GADL1: variants seen among roughly 807,000 people sequenced by gnomAD.
GADL1 encodes the protein GAD like acidic amino acid decarboxylase 1, also known as acidic amino acid decarboxylase GADL1.
In GADL1, 71 loss-of-function variants were observed where a neutral mutation model predicts 69.5. That is an observed-to-expected ratio of 1.02 (90% CI 0.84 to 1.25). The LOEUF is 1.25. Among genes scored for constraint, GADL1 ranks in the 50% most tolerant of loss-of-function variants. GADL1 has a pLI of 0.00. For synonymous variants in GADL1, 254 were observed against 214.4 expected (o/e 1.18, Z -1.62); for missense variants, 737 against 631.8 (o/e 1.17, Z -1.79).
At chr3:30,749,499 T>A (rs1464747877) in intron 14 of GADL1, among the ~76,000 whole-genome samples, 1 of 152,212 alleles carries the variant, frequency 6.6e-6, no homozygotes, top group Non-Finnish European at 1.5e-5. Flanking sequence ...CTCATGCCTA[T>A]TTTTAGCAAC....
Position 30,728,249 on chromosome 3 carries a change from T to A in GADL1, c.1559A>T (p.Asp520Val). 1.2e-6 allele frequency: 2 copies of A among 1,613,572 alleles called. No homozygotes were observed. Among genetic ancestry groups the A allele is most frequent in the Non-Finnish European group, 1.7e-6 (2 of 1,179,598 alleles). Residue 520 changes from aspartate to valine, a missense_variant, in exon 15 of 15, where the codon GAC becomes GTC. Physicochemically the swap from Asp to Val is radical, Grantham distance 152 (BLOSUM62 -3). Coordinates refer to ENST00000282538, the MANE Select transcript of GADL1 (RefSeq NM_207359.3). ...GGGGGACCAAAGCCACAGCTACATG[T>A]CTTTACCCAGTAAGTCTATCTCATC... The part of the protein sequence containing the change: ...LLDEIDLLGK[D>V]M
chr3:30,850,798 T>C, intron 5 of GADL1, 37 bp downstream of exon 5: 2 of 1,198,284 alleles, frequency 1.7e-6, no homozygotes, highest in Non-Finnish European at 2.4e-6. Context: ...TACGTGGTTG[T>C]ATTGGAAGGT....
At chr3:30,768,583 G>A (rs1696343158) in intron 14 of GADL1, among the ~76,000 whole-genome samples, 1 of 151,280 alleles carries the variant, frequency 6.6e-6, no homozygotes, top group Non-Finnish European at 1.5e-5. Flanking sequence ...GGGGAGGAGA[G>A]GCGGAGAAGG....
intron 14 of GADL1, among the ~76,000 whole-genome samples, chr3:30,737,508 T>C (rs769869432): frequency 3.9e-5 from 6 of 152,202 alleles, no homozygotes; most frequent in Non-Finnish European, 8.8e-5. Context: ...TCTCTTCTAA[T>C]ATATTTTCTG....
chr3:30,813,468 TCAC>T (rs779033071), intron 11 of GADL1, among the ~76,000 whole-genome samples: 19 of 152,196 alleles, frequency 1.2e-4, no homozygotes, highest in Non-Finnish European at 2.2e-4. Context: ...GAGCAAATCT[TCAC>T]CAAGAGCACA....
intron 8 of GADL1, among the ~76,000 whole-genome samples, chr3:30,842,821 T>TAAAAAAAAAAAAAAAAAAAAAAAAAA (rs1559358436): frequency 1.5e-5 from 1 of 66,468 alleles, no homozygotes. Context: ...ATTGGAATGT[T>TAAAAAAAAAAAAAAAAAAAAAAAAAA]TAAAAAAAAA....
intron 1 of GADL1, among the ~76,000 whole-genome samples, chr3:30,866,264 C>G (rs925130954): frequency 1.3e-5 from 2 of 151,952 alleles, no homozygotes; most frequent in African/African-American, 4.8e-5. Flanking sequence ...TTGAGACCAG[C>G]CTGGCAAACA....
chr3:30,785,149 C>G (rs1696761015), intron 13 of GADL1, among the ~76,000 whole-genome samples: 1 of 152,002 alleles, frequency 6.6e-6, no homozygotes, highest in Non-Finnish European at 1.5e-5. Context: ...TATAACCTGT[C>G]TAATTATTTG....
At chr3:30,766,307 C>G (rs1483620866) in intron 14 of GADL1, among the ~76,000 whole-genome samples, 1 of 152,174 alleles carries the variant, frequency 6.6e-6, no homozygotes, top group Non-Finnish European at 1.5e-5. Flanking sequence ...CCCTGAGCAT[C>G]AGGGATGTCT....
intron 14 of GADL1, among the ~76,000 whole-genome samples, chr3:30,759,111 T>C (rs1696055378): frequency 6.6e-6 from 1 of 152,104 alleles, no homozygotes; most frequent in Non-Finnish European, 1.5e-5. Flanking sequence ...GCTGGTTGGA[T>C]TTAGTGCTGG....
chr3:30,851,042 T>C, intron 4 of GADL1, 101 bp from the exon 5 acceptor site: 1 of 658,804 alleles, frequency 1.5e-6, no homozygotes, highest in African/African-American at 1.8e-5. Context: ...AAGTGGCTGC[T>C]GAAGTGTAGG....
chr3:30,868,032 A>T (rs1698428902), intron 1 of GADL1, among the ~76,000 whole-genome samples: 2 of 152,148 alleles, frequency 1.3e-5, no homozygotes, highest in Admixed American at 1.3e-4. Flanking sequence ...CTGAAGTAAC[A>T]ACTTCATTGA....
rs116770007 is a variant in GADL1 at position 30,836,716 on chromosome 3, G to A, written c.903+2281C>T. Among the ~76,000 whole-genome samples, 1,401 of 151,560 alleles carry A rather than the reference G, an allele frequency of 9.2e-3. 24 individuals are homozygous for A. The highest frequency in any genetic ancestry group is 0.032 in the African/African-American group (1,314 of 41,082). The stretch of plus-strand genomic sequence containing the variant: ...TTTAAATACGTTTGTGCCTTCTATG[G>A]CACTTGGAATGAGGAATGGGTGAGA... On this transcript the variant is annotated intron_variant, in intron 9 of 14. Transcript: ENST00000282538.
chr3:30,798,141 T>G (rs1017849911), intron 12 of GADL1: 9 of 152,226 alleles, frequency 5.9e-5, no homozygotes, highest in Admixed American at 4.6e-4. Flanking sequence ...ATCATTTGCT[T>G]TTCAGGTCCT....
At chr3:30,770,949 CAAT>C (rs1696406775) in intron 14 of GADL1, among the ~76,000 whole-genome samples, 1 of 152,046 alleles carries the variant, frequency 6.6e-6, no homozygotes, top group Admixed American at 6.5e-5. Flanking sequence ...GACCACAAAA[CAAT>C]ATATTAATCA....
intron 11 of GADL1, among the ~76,000 whole-genome samples, chr3:30,811,478 G>T (rs1340412214): frequency 1.3e-5 from 2 of 152,014 alleles, no homozygotes; most frequent in Non-Finnish European, 2.9e-5. Flanking sequence ...ATTTTCCCTA[G>T]GCAACAATCC....
intron 6 of GADL1, 29 bp downstream of exon 6, chr3:30,849,967 C>A (rs1245668948): frequency 7.7e-7 from 1 of 1,302,412 alleles, no homozygotes; most frequent in African/African-American, 1.5e-5. Context: ...CTCAGAAAAT[C>A]TATATTCAAT....
At chr3:30,826,107 T>G (rs922595549) in intron 11 of GADL1, among the ~76,000 whole-genome samples, 3 of 151,934 alleles carry the variant, frequency 2.0e-5, no homozygotes, top group African/African-American at 7.2e-5. Flanking sequence ...TTTTATTCCT[T>G]TAATCTTATG....
At chr3:30,800,529 G>A (rs1697137162) in intron 12 of GADL1, 2 of 200,552 alleles carry the variant, frequency 1.0e-5, no homozygotes, top group Admixed American at 5.5e-5. Flanking sequence ...TTCCTCCAAG[G>A]AGCCTCTGCC....
Sources: gnomAD v4.1 joint callset for allele counts (sites outside exome capture counted in the v4.1 genomes callset) on GRCh38, gnomAD v4.1.1 for gene constraint, MANE v1.5 for transcripts, NCBI Gene and HGNC (gene_info 2026-07-23, HGNC 2026-07-21) for gene names.